The following SELENOT variants were observed in gnomAD, a reference collection of about 807,000 sequenced individuals.
SELENOT encodes the protein selenoprotein T, also known as thioredoxin reductase-like selenoprotein T.
A neutral mutation model predicts 24.3 loss-of-function variants in SELENOT; 9 were observed. The ratio of observed to expected loss-of-function variants is 0.37; its 90% CI spans 0.22 to 0.65. The LOEUF is 0.65. Ranked by LOEUF, SELENOT falls within the 30% of genes least tolerant of loss-of-function variation. SELENOT has a pLI of 0.60. For synonymous variants in SELENOT, 81 were observed against 86.0 expected, an observed-to-expected ratio of 0.94 and a Z score of 0.32; for missense variants, 166 against 247.6, an observed-to-expected ratio of 0.67 and a Z score of 2.21.
In SELENOT at chr3:150,603,518, C is replaced by T. The variant is rs765194940; in HGVS notation, c.137+19C>T. 7 of 1,559,864 alleles carry T rather than the reference C, an allele frequency of 4.5e-6. No homozygotes were observed. Among genetic ancestry groups the T allele is most frequent in the African/African-American group, 1.4e-5 (1 of 73,538 alleles). On this transcript the variant is annotated intron_variant, in intron 1 of 5. Coordinates refer to ENST00000471696, the MANE Select transcript of SELENOT (RefSeq NM_016275.5). ...AGATTTGGTGAGTATGTGCACTGGG[C>T]CCCGGCCACCCCGCCGCGCCTCTGC...
intron 1 of SELENOT, 139 bp downstream of exon 1, chr3:150,603,638 C>T: frequency 9.5e-7 from 1 of 1,048,238 alleles, no homozygotes; most frequent in South Asian, 1.8e-5. Context: ...CTTCCACAGC[C>T]AGCCTTCTCG....
intron 1 of SELENOT, among the ~76,000 whole-genome samples, chr3:150,616,237 C>A: frequency 6.9e-6 from 1 of 144,738 alleles, no homozygotes; most frequent in Non-Finnish European, 1.5e-5. Context: ...GACCTAAAAC[C>A]ATAAAAACCC....
At chr3:150,613,665 CTTTTTTTTTT>C (rs531822237) in intron 1 of SELENOT, among the ~76,000 whole-genome samples, 3 of 78,890 alleles carry the variant, frequency 3.8e-5, no homozygotes, top group Non-Finnish European at 7.1e-5. Context: ...AAGATGGGAA[CTTTTTTTTTT>C]TTTTTTTTTT....
chr3:150,621,619 T>TTG (rs1338623516), intron 1 of SELENOT, among the ~76,000 whole-genome samples: 1 of 142,498 alleles, frequency 7.0e-6, no homozygotes, highest in Admixed American at 6.8e-5. Flanking sequence ...ATTTCCTTTT[T>TTG]TTTTTTTTTT....
intron 1 of SELENOT, among the ~76,000 whole-genome samples, chr3:150,616,488 T>A (rs1726220560): frequency 3.4e-5 from 5 of 147,200 alleles, no homozygotes; most frequent in African/African-American, 1.3e-4. Flanking sequence ...TACAATGAAC[T>A]CAAACAAATT....
intron 3 of SELENOT, 97 bp downstream of exon 3, chr3:150,623,266 C>T (rs977580526): frequency 9.0e-7 from 1 of 1,111,060 alleles, no homozygotes; most frequent in Non-Finnish European, 1.2e-6. Flanking sequence ...TATTGATTCA[C>T]CTGTTAACAT....
At chr3:150,621,668 C>T (rs534141008) in intron 1 of SELENOT, among the ~76,000 whole-genome samples, 5 of 113,924 alleles carry the variant, frequency 4.4e-5, no homozygotes, top group African/African-American at 1.7e-4. Context: ...AAGTGAGTTG[C>T]TTAGAGACTT....
At chr3:150,608,221 A>G (rs1385186123) in intron 1 of SELENOT, among the ~76,000 whole-genome samples, 2 of 152,336 alleles carry the variant, frequency 1.3e-5, no homozygotes, top group East Asian at 3.9e-4. Context: ...GACTAAGGAC[A>G]TAGTAGCCAG....
At chr3:150,613,781 C>T (rs763087166) in intron 1 of SELENOT, among the ~76,000 whole-genome samples, 6 of 142,710 alleles carry the variant, frequency 4.2e-5, no homozygotes, top group Admixed American at 7.4e-5. Context: ...AGATTCTCAA[C>T]ACATGGTGTG....
At chr3:150,612,330 T>TCAG (rs1726114469) in intron 1 of SELENOT, among the ~76,000 whole-genome samples, 1 of 152,146 alleles carries the variant, frequency 6.6e-6, no homozygotes, top group African/African-American at 2.4e-5. Context: ...TGACCCTAAG[T>TCAG]GATTGGCCCT....
chr3:150,611,671 C>A (rs545255796), intron 1 of SELENOT: 4 of 1,602,398 alleles, frequency 2.5e-6, no homozygotes, highest in Admixed American at 3.3e-5. Context: ...CTGAAGCTGG[C>A]GTTGCCTGCT....
At chr3:150,607,123 A>G (rs1725984222) in intron 1 of SELENOT, among the ~76,000 whole-genome samples, 1 of 152,232 alleles carries the variant, frequency 6.6e-6, no homozygotes, top group African/African-American at 2.4e-5. Context: ...TAGTAGATTA[A>G]ATGAAATTGA....
At chr3:150,624,980 G>A (rs1400704109) in intron 4 of SELENOT, 81 bp downstream of exon 4, 4 of 644,010 alleles carry the variant, frequency 6.2e-6, no homozygotes, top group Non-Finnish European at 9.7e-6. Flanking sequence ...TTTATAATAA[G>A]ATAAACTTCT....
chr3:150,624,931 GATTTTAAAT>G lies in SELENOT; in HGVS notation c.463+33_463+41del, dbSNP rs1726409668. On this transcript the variant is annotated intron_variant, in intron 4 of 5. Transcript: ENST00000471696. ...TCTGAATAGTTTGCATTTTGTGATTGATTTTAAATGATTTATAATGAGTATCAAGCTTTT... is the reference window on the plus strand; with the variant it reads ...TCTGAATAGTTTGCATTTTGTGATTGGATTTATAATGAGTATCAAGCTTTT... The G allele has an allele frequency of 3.4e-6, 4 of 1,164,980 alleles. No individual in the cohort carries two copies. The African/African-American group carries it at 6.3e-5, about 18-fold the overall frequency. 72.2% of individuals were successfully genotyped at this position (1,164,980 alleles called of 1,614,324 possible).
At chr3:150,607,212 C>T (rs2108004462) in intron 1 of SELENOT, among the ~76,000 whole-genome samples, 1 of 152,282 alleles carries the variant, frequency 6.6e-6, no homozygotes, top group South Asian at 2.1e-4. Flanking sequence ...AATTTTAGGA[C>T]AGCCAACTTC....
intron 1 of SELENOT, among the ~76,000 whole-genome samples, chr3:150,606,164 T>C (rs1278988208): frequency 6.6e-6 from 1 of 150,966 alleles, no homozygotes; most frequent in Admixed American, 6.6e-5. Context: ...TTTTTTTTTT[T>C]TGCTGAGACA....
intron 1 of SELENOT, among the ~76,000 whole-genome samples, chr3:150,621,330 A>G (rs1273505658): frequency 1.3e-5 from 2 of 152,058 alleles, no homozygotes; most frequent in Non-Finnish European, 2.9e-5. Context: ...TTACCATTTT[A>G]CCGTGTCAGA....
intron 1 of SELENOT, among the ~76,000 whole-genome samples, chr3:150,604,218 A>G (rs1245590037): frequency 1.3e-5 from 2 of 152,110 alleles, no homozygotes; most frequent in South Asian, 2.1e-4. Context: ...ATCTCTTTCT[A>G]CCTTTCAGTT....
intron 1 of SELENOT, among the ~76,000 whole-genome samples, chr3:150,617,638 TTGTG>T (rs1180740589): frequency 6.6e-6 from 1 of 152,182 alleles, no homozygotes; most frequent in Non-Finnish European, 1.5e-5. Flanking sequence ...TAGGCTCATT[TTGTG>T]TGTATTTCTA....
Sources: gnomAD v4.1 joint callset for allele counts (sites outside exome capture counted in the v4.1 genomes callset) on GRCh38, gnomAD v4.1.1 for gene constraint, MANE v1.5 for transcripts, NCBI Gene and HGNC (gene_info 2026-07-23, HGNC 2026-07-21) for gene names.